XG: variants seen among roughly 807,000 people sequenced by gnomAD.
XG encodes glycoprotein Xg.
In XG, 24 loss-of-function variants were observed where a neutral mutation model predicts 25.7. The ratio of observed to expected loss-of-function variants is 0.93; its 90% confidence interval spans 0.68 to 1.31. XG has a LOEUF of 1.31. Ranked by LOEUF, XG falls within the 40% of genes most tolerant of loss-of-function variation. XG has a pLI of 0.00. For synonymous variants in XG, 77 were observed against 69.2 expected, an observed-to-expected ratio of 1.11 and a Z score of -0.56; for missense variants, 181 against 187.6, an observed-to-expected ratio of 0.96 and a Z score of 0.21.
chrX:2,788,299 G>A (rs5982859), intron 4 of XG, among the ~76,000 whole-genome samples: 18,057 of 111,464 alleles, frequency 0.16, 2,093 homozygotes, highest in African/African-American at 0.42. Flanking sequence ...CAGGAATATA[G>A]AATGGGTACA....
At chrX:2,759,853 C>T (rs1314796508) in intron 1 of XG, among the ~76,000 whole-genome samples, 3 of 152,198 alleles carry the variant, frequency 2.0e-5, no homozygotes, top group African/African-American at 2.4e-5. Context: ...GGATCAGGGG[C>T]CAGAGGCACC....
At position 2,797,190 on chromosome X, in the gene XG, G is replaced by T. The variant is rs1306825575; in HGVS notation, c.323-120G>T. On this transcript the variant is annotated intron_variant, in intron 6 of 10. Coordinates refer to ENST00000644266, the MANE Select transcript of XG (RefSeq NM_001141919.2). ...CTGGTCACTCTTTGGAGCTCTCTTG[G>T]CAGTGACACGTTCACACGACTTGTT... 8.3e-6 allele frequency: 6 copies of T among 720,355 alleles called. No individual in the cohort carries two copies. The East Asian group carries it at 1.7e-4, about 21-fold the overall frequency. 59.4% of individuals were successfully genotyped at this position (720,355 alleles called of 1,213,427 possible).
intron 1 of XG, among the ~76,000 whole-genome samples, chrX:2,763,684 C>A (rs1465811117): frequency 6.6e-6 from 1 of 152,202 alleles, no homozygotes; most frequent in Non-Finnish European, 1.5e-5. Context: ...GTATAGCCTG[C>A]ATGTATTATG....
At chrX:2,774,965 G>C (rs2050944180) in intron 3 of XG, 1 of 593,490 alleles carries the variant, frequency 1.7e-6, no homozygotes, top group Non-Finnish European at 3.1e-6. Context: ...AATCTAAAAT[G>C]GAAAATAACA....
In XG at chrX:2,764,570, G is replaced by T. The variant is rs765222413; in HGVS notation, c.62-5980G>T. On this transcript the variant is annotated intron_variant, in intron 1 of 10. Transcript: ENST00000644266. Reference sequence around the variant, plus strand: ...GAAGTCAAGATTTGTCCTTCTCGGGGTCCCTGTGCCAGCTTTGTAAAACCT... The same window carrying T: ...GAAGTCAAGATTTGTCCTTCTCGGGTTCCCTGTGCCAGCTTTGTAAAACCT... Among the ~76,000 whole-genome samples, 3 of 152,080 alleles carry T rather than the reference G, an allele frequency of 2.0e-5. No homozygotes were observed. The South Asian group carries it at 6.2e-4, about 32-fold the overall frequency.
At chrX:2,761,413 T>A (rs894701277) in intron 1 of XG, among the ~76,000 whole-genome samples, 1 of 151,632 alleles carries the variant, frequency 6.6e-6, no homozygotes, top group Non-Finnish European at 1.5e-5. Context: ...GTCTGTGGTT[T>A]GTAAGCCACC....
At chrX:2,789,090 C>T (rs931108128) in intron 4 of XG, among the ~76,000 whole-genome samples, 1 of 110,397 alleles carries the variant, frequency 9.1e-6, no homozygotes, top group African/African-American at 3.3e-5. Flanking sequence ...AATTAGCCAA[C>T]TATGGTGGTA....
At chrX:2,814,335 A>T in intron 10 of XG, 29 bp from the exon 11 acceptor site, 1 of 1,195,966 alleles carries the variant, frequency 8.4e-7, no homozygotes, top group Admixed American at 2.4e-5. Context: ...TGCCCCCACA[A>T]TGACATTTGT....
chrX:2,780,425 T>TTTTAAA (rs1556369958), intron 3 of XG, among the ~76,000 whole-genome samples: 1 of 126,664 alleles, frequency 7.9e-6, no homozygotes. Flanking sequence ...TTTTTTTTTC[T>TTTTAAA]AAAAAAAAAA....
intron 5 of XG, among the ~76,000 whole-genome samples, chrX:2,794,306 T>C (rs1231995458): frequency 1.8e-5 from 2 of 111,827 alleles, no homozygotes; most frequent in East Asian, 5.7e-4. Flanking sequence ...ACATCAGCAA[T>C]ATGAGGCCAC....
intron 1 of XG, among the ~76,000 whole-genome samples, chrX:2,755,758 C>A (rs1374789842): frequency 1.3e-5 from 2 of 152,060 alleles, no homozygotes; most frequent in African/African-American, 4.8e-5. Context: ...CTGGGTATGT[C>A]CTGGGTAAAA....
rs2087099609 is a variant in XG, at chrX:2,815,811, A to ACACACACACACACACACG, written c.*1442_*1443insACACACGCACACACACAC. On this transcript the variant is annotated 3_prime_UTR_variant, in exon 11 of 11. Transcript: ENST00000644266. The stretch of plus-strand genomic sequence containing the variant: ...CCTGTGTTTTTAGTTACACACACAC[A>ACACACACACACACACACG]CACACACACACCTACTTAAATGGAA... 9.0e-6 allele frequency: 1 copy of ACACACACACACACACACG among 110,785 alleles called. No homozygotes were observed. The highest frequency in any genetic ancestry group is 3.3e-5 in the African/African-American group (1 of 30,486). 9.1% of individuals were successfully genotyped at this position (110,785 alleles called of 1,213,427 possible). A position where few individuals can be genotyped will look rare whatever the true frequency, so the allele number is the denominator to read the frequency against.
rs184389410 is a variant in XG at position 2,787,412 on chromosome X, G to A, written c.191-2232G>A. Reference sequence around the variant, plus strand: ...TGTGAATGGAGGAGGGAAGCTCACAGATGAAGGCGTTTTGAGGGAGGACTG... The same window carrying A: ...TGTGAATGGAGGAGGGAAGCTCACAAATGAAGGCGTTTTGAGGGAGGACTG... On this transcript the variant is annotated intron_variant, in intron 4 of 10. Coordinates refer to ENST00000644266, the MANE Select transcript of XG (RefSeq NM_001141919.2). 2.5e-3 allele frequency among the ~76,000 whole-genome samples: 281 copies of A among 111,066 alleles called. 3 individuals carry two copies. Among genetic ancestry groups the A allele is most frequent in the Middle Eastern group, 4.6e-3 (1 of 217 alleles).
At chrX:2,769,151 A>T (rs1014868941) in intron 1 of XG, among the ~76,000 whole-genome samples, 3 of 152,226 alleles carry the variant, frequency 2.0e-5, no homozygotes, top group Non-Finnish European at 2.9e-5. Context: ...CCCGGGTGGC[A>T]TCTGACTGGA....
At chrX:2,758,497 C>T (rs1352699706) in intron 1 of XG, among the ~76,000 whole-genome samples, 3 of 152,252 alleles carry the variant, frequency 2.0e-5, no homozygotes, top group Non-Finnish European at 4.4e-5. Context: ...ATCACTGCCA[C>T]AGTGGGGAGG....
At chrX:2,793,745 GA>G (rs2086857840) in intron 5 of XG, among the ~76,000 whole-genome samples, 1 of 111,623 alleles carries the variant, frequency 9.0e-6, no homozygotes, top group African/African-American at 3.3e-5. Flanking sequence ...CAAGATAGTT[GA>G]GCAGGAACTT....
chrX:2,772,636 G>C (rs899928120), intron 2 of XG, among the ~76,000 whole-genome samples: 3 of 152,164 alleles, frequency 2.0e-5, no homozygotes, highest in Middle Eastern at 3.2e-3. Flanking sequence ...GATACAGGTG[G>C]TGATTGTACA....
chrX:2,761,206 T>C (rs1338108974), intron 1 of XG, among the ~76,000 whole-genome samples: 1 of 152,070 alleles, frequency 6.6e-6, no homozygotes, highest in Non-Finnish European at 1.5e-5. Flanking sequence ...GCTCAGGAGG[T>C]TGTGCCCTGA....
intron 1 of XG, among the ~76,000 whole-genome samples, chrX:2,752,662 G>A (rs974691470): frequency 6.6e-6 from 1 of 152,218 alleles, no homozygotes; most frequent in South Asian, 2.1e-4. Flanking sequence ...ATGACTGGGT[G>A]TGTGTGGAAT....
Sources: gnomAD v4.1 joint callset for allele counts (sites outside exome capture counted in the v4.1 genomes callset) on GRCh38, gnomAD v4.1.1 for gene constraint, MANE v1.5 for transcripts, NCBI Gene and HGNC (gene_info 2026-07-23, HGNC 2026-07-21) for gene names.